PGM5: variants seen among roughly 807,000 people sequenced by gnomAD.
The protein encoded by PGM5 is phosphoglucomutase 5.
In PGM5, 23 loss-of-function variants were observed where a neutral mutation model predicts 59.2. The observed-to-expected ratio is 0.39, with a 90% confidence interval of 0.28 to 0.55. The LOEUF (loss-of-function observed/expected upper bound fraction) is 0.55. Among genes scored for constraint, PGM5 ranks in the 20% least tolerant of loss-of-function variants. The probability of loss-of-function intolerance (pLI) is 0.66; values close to 1 mark genes in which losing one functional copy is unlikely to be tolerated. For missense variants in PGM5, 574 were observed against 748.3 expected (o/e 0.77, Z 2.72); for synonymous variants, 214 against 286.0 (o/e 0.75, Z 2.54).
At chr9:68,436,625 T>G (rs1554683391) in intron 6 of PGM5, among the ~76,000 whole-genome samples, 1 of 152,224 alleles carries the variant, frequency 6.6e-6, no homozygotes, top group African/African-American at 2.4e-5. Context: ...GCCTCATGAT[T>G]GAAATTTCTG....
At chr9:68,467,843 G>A (rs1554685946) in intron 7 of PGM5, among the ~76,000 whole-genome samples, 1 of 151,608 alleles carries the variant, frequency 6.6e-6, no homozygotes, top group African/African-American at 2.4e-5. Flanking sequence ...CTTTTTCTCT[G>A]GTTTGCAACT....
intron 10 of PGM5, among the ~76,000 whole-genome samples, chr9:68,520,031 A>G (rs921705086): frequency 4.6e-5 from 7 of 151,062 alleles, no homozygotes; most frequent in Admixed American, 2.6e-4. Flanking sequence ...TTGATGATGC[A>G]GTCAGCCATG....
At chr9:68,461,826 C>T (rs1329480663) in intron 6 of PGM5, among the ~76,000 whole-genome samples, 1 of 151,754 alleles carries the variant, frequency 6.6e-6, no homozygotes, top group African/African-American at 2.4e-5. Context: ...GCTGGAAAAG[C>T]ATTTAAGGTA....
intron 10 of PGM5, among the ~76,000 whole-genome samples, chr9:68,528,987 C>A (rs2132123847): frequency 6.6e-6 from 1 of 152,228 alleles, no homozygotes; most frequent in African/African-American, 2.4e-5. Context: ...CTAAAGCATG[C>A]CCACCTCCTC....
Position 68,454,412 on chromosome 9 carries a change from G to A in PGM5, c.1044-10681G>A, listed in dbSNP as rs7020400. On this transcript the variant is annotated intron_variant, in intron 6 of 10. Transcript: ENST00000396396. ...GTTGGGGACCTCATTGATACAAGGA[G>A]TATCCCTACCTAAGTGAACGATGTG... Among the ~76,000 whole-genome samples, 651 of 152,306 alleles carry A rather than the reference G, an allele frequency of 4.3e-3. 2 individuals carry two copies. Among genetic ancestry groups the A allele is most frequent in the African/African-American group, 0.014 (596 of 41,556 alleles).
At chr9:68,492,170 G>A (rs1031317158) in intron 9 of PGM5, among the ~76,000 whole-genome samples, 2 of 152,174 alleles carry the variant, frequency 1.3e-5, no homozygotes, top group African/African-American at 4.8e-5. Context: ...ACTAAGGGAG[G>A]AAGCTATGCC....
At chr9:68,497,878 G>A (rs576361183) in intron 9 of PGM5, 1 of 152,158 alleles carries the variant, frequency 6.6e-6, no homozygotes, top group African/African-American at 2.4e-5. Context: ...ATCATCTTAT[G>A]GTCATAATTT....
At chr9:68,469,108 G>A (rs1587820273) in intron 7 of PGM5, among the ~76,000 whole-genome samples, 1 of 152,180 alleles carries the variant, frequency 6.6e-6, no homozygotes, top group African/African-American at 2.4e-5. Context: ...AGGAGAGACA[G>A]GATTTCACCA....
intron 1 of PGM5, among the ~76,000 whole-genome samples, chr9:68,367,593 C>G (rs1834705102): frequency 6.6e-6 from 1 of 152,158 alleles, no homozygotes; most frequent in Admixed American, 6.5e-5. Context: ...TGGACAGGAT[C>G]TCCCAAATGT....
chr9:68,522,305 G>A (rs752699770), intron 10 of PGM5, among the ~76,000 whole-genome samples: 11 of 152,250 alleles, frequency 7.2e-5, no homozygotes, highest in East Asian at 1.9e-4. Context: ...CGCAAGCTCC[G>A]GATGGTGGGG....
chr9:68,428,472 C>G (rs1823283801), intron 6 of PGM5: 1 of 152,170 alleles, frequency 6.6e-6, no homozygotes, highest in South Asian at 2.1e-4. Context: ...ATTTCAGTTC[C>G]TATTTCAAAA....
chr9:68,370,574 T>G (rs1821666561), intron 1 of PGM5, among the ~76,000 whole-genome samples: 2 of 152,192 alleles, frequency 1.3e-5, no homozygotes, highest in African/African-American at 4.8e-5. Flanking sequence ...AATAAGATCA[T>G]TAAAAAACCA....
chr9:68,488,248 A>G (rs572618118), intron 9 of PGM5, among the ~76,000 whole-genome samples: 33 of 151,996 alleles, frequency 2.2e-4, no homozygotes, highest in African/African-American at 8.0e-4. Flanking sequence ...CCCCTCTCCC[A>G]TCCCCCAGCA....
In PGM5 at chr9:68,391,896, G is replaced by A. The variant is rs1359946012; in HGVS notation, c.888+172G>A. On this transcript the variant is annotated intron_variant, in intron 5 of 10. Transcript: ENST00000396396. ...TGACTAAGTATTGCAATTAAATAGC[G>A]ATTACTTTTCTTAGTTCCAGATTTA... 2.6e-5 allele frequency among the ~76,000 whole-genome samples: 4 copies of A among 152,080 alleles called. No homozygotes were observed. In the East Asian group the frequency reaches 7.7e-4, roughly 29 times the overall value.
At chr9:68,389,440 C>T (rs1382191573) in intron 4 of PGM5, among the ~76,000 whole-genome samples, 3 of 152,070 alleles carry the variant, frequency 2.0e-5, no homozygotes, top group African/African-American at 7.2e-5. Flanking sequence ...CACTCATCTG[C>T]TTTCTGCCCC....
intron 1 of PGM5, among the ~76,000 whole-genome samples, chr9:68,358,754 T>G (rs1174099233): frequency 1.3e-5 from 2 of 152,180 alleles, no homozygotes; most frequent in Non-Finnish European, 2.9e-5. Context: ...AAAGAGGATT[T>G]TTTTAAAAAC....
At chr9:68,527,266 C>T (rs893407203) in intron 10 of PGM5, among the ~76,000 whole-genome samples, 2 of 152,030 alleles carry the variant, frequency 1.3e-5, no homozygotes, top group African/African-American at 4.8e-5. Context: ...CCTTTAGTTC[C>T]GTAAGGTTCA....
chr9:68,468,725 A>G (rs533908987), intron 7 of PGM5, among the ~76,000 whole-genome samples: 2 of 152,288 alleles, frequency 1.3e-5, no homozygotes, highest in East Asian at 1.9e-4. Context: ...ATTGGCTGAT[A>G]TGTCTCTTAA....
At chr9:68,428,943 T>G (rs1486576925) in intron 6 of PGM5, 8 of 152,226 alleles carry the variant, frequency 5.3e-5, no homozygotes, top group Admixed American at 5.2e-4. Flanking sequence ...GATTCAAACA[T>G]CAACTCTGTT....
Sources: allele counts gnomAD v4.1 joint callset (sites outside exome capture counted in the v4.1 genomes callset), GRCh38; gene constraint gnomAD v4.1.1; transcripts MANE v1.5; gene names NCBI Gene and HGNC (gene_info 2026-07-23, HGNC 2026-07-21).